Variants in MOXD1 observed in about 807,000 individuals in gnomAD.
The protein encoded by MOXD1 is DBH-like monooxygenase protein 1.
In MOXD1, 62 loss-of-function variants were observed where a neutral mutation model predicts 66.6. That is an observed-to-expected ratio of 0.93 (90% CI 0.76 to 1.15). The LOEUF (loss-of-function observed/expected upper bound fraction) is 1.15. MOXD1 is among the 50% of genes most tolerant of loss of function. The pLI, the probability that MOXD1 is intolerant of heterozygous loss-of-function variation, is 0.00. For synonymous variants in MOXD1, 303 were observed against 281.9 expected (o/e 1.07, Z -0.75); for missense variants, 847 against 754.6 (o/e 1.12, Z -1.44).
chr6:132,360,043 C>T (rs185985712), intron 4 of MOXD1, among the ~76,000 whole-genome samples: 1 of 152,302 alleles, frequency 6.6e-6, no homozygotes, highest in African/African-American at 2.4e-5. Context: ...CAGCTGTTAG[C>T]TGGCTTTAGT....
chr6:132,348,853 C>T (rs1775723248), intron 4 of MOXD1, among the ~76,000 whole-genome samples: 1 of 152,114 alleles, frequency 6.6e-6, no homozygotes, highest in Non-Finnish European at 1.5e-5. Flanking sequence ...CCCGCTAAAC[C>T]AGCATTTCTT....
chr6:132,298,268 A>G (rs547858285), intron 10 of MOXD1, among the ~76,000 whole-genome samples: 2 of 152,106 alleles, frequency 1.3e-5, no homozygotes, highest in Non-Finnish European at 2.9e-5. Context: ...CAACCCTCCC[A>G]CCTCCACCAC....
chr6:132,353,241 T>C (rs560865752), intron 4 of MOXD1, among the ~76,000 whole-genome samples: 1 of 152,248 alleles, frequency 6.6e-6, no homozygotes, highest in South Asian at 2.1e-4. Flanking sequence ...TAAATTGTAT[T>C]TTTGTTTTAT....
intron 4 of MOXD1, among the ~76,000 whole-genome samples, chr6:132,359,775 C>G (rs561364883): frequency 4.3e-4 from 66 of 152,200 alleles, no homozygotes; most frequent in African/African-American, 1.4e-3. Context: ...CGTGAGCCAC[C>G]GCGCCCGGCC....
Position 132,372,675 on chromosome 6 carries a change from T to G in MOXD1, c.596A>C (p.Lys199Thr). ...CATTTGGCACCAATATGTTGTATCT[T>G]TGTTTGGGATGGGGACCTGTCTTAA... ...LVNQDVPIPNKDTTYWCQMFK... is the reference protein window; with the variant it reads ...LVNQDVPIPNTDTTYWCQMFK... The change falls in exon 4 of 12, where the codon AAA (lysine) becomes ACA (threonine). Residue 199 changes from lysine (K) to threonine (T), a missense_variant. Physicochemically the swap from Lys to Thr is moderately conservative, Grantham distance 78 (BLOSUM62 -1). Transcript: ENST00000367963. The G allele has an allele frequency of 6.2e-7, 1 of 1,613,906 alleles. No homozygotes were observed. The highest frequency in any genetic ancestry group is 8.5e-7 in the Non-Finnish European group (1 of 1,179,824).
At chr6:132,314,098 G>A (rs1223124053) in intron 10 of MOXD1, among the ~76,000 whole-genome samples, 2 of 152,092 alleles carry the variant, frequency 1.3e-5, no homozygotes, top group African/African-American at 4.8e-5. Flanking sequence ...ACTGACATCA[G>A]TAAGAATAGA....
At chr6:132,305,207 C>T (rs1774660885) in intron 10 of MOXD1, among the ~76,000 whole-genome samples, 1 of 152,262 alleles carries the variant, frequency 6.6e-6, no homozygotes, top group South Asian at 2.1e-4. Flanking sequence ...GGCTTGGTCA[C>T]AAGACTTGTT....
intron 1 of MOXD1, among the ~76,000 whole-genome samples, chr6:132,390,066 A>G (rs1430150309): frequency 6.6e-6 from 1 of 151,488 alleles, no homozygotes; most frequent in Non-Finnish European, 1.5e-5. Flanking sequence ...TAGTATTAAG[A>G]AAGAAACTTC....
chr6:132,349,967 ATTGT>A (rs764606133), intron 4 of MOXD1, among the ~76,000 whole-genome samples: 9 of 151,276 alleles, frequency 5.9e-5, no homozygotes, highest in Non-Finnish European at 1.3e-4. Flanking sequence ...TTTTGATGGG[ATTGT>A]TTGTTTGTTT....
chr6:132,392,496 G>A (rs1001711924), intron 1 of MOXD1, among the ~76,000 whole-genome samples: 6 of 152,116 alleles, frequency 3.9e-5, no homozygotes, highest in Non-Finnish European at 5.9e-5. Flanking sequence ...TAAATGATTC[G>A]GGCGGGGGTG....
chr6:132,349,407 AT>A lies in MOXD1; in HGVS notation c.664-20814del, dbSNP rs1562289892. Among the ~76,000 whole-genome samples, 2 of 12,696 alleles carry A rather than the reference AT, an allele frequency of 1.6e-4. 1 individual carries two copies. Among genetic ancestry groups the A allele is most frequent in the African/African-American group, 9.0e-4 (2 of 2,216 alleles). The allele number at this position is 12,696 out of a possible 152,430, so 8.3% of individuals were successfully genotyped here. A position where few individuals can be genotyped will look rare whatever the true frequency, so the allele number is the denominator to read the frequency against. On this transcript the variant is annotated intron_variant, in intron 4 of 11. Coordinates refer to ENST00000367963, the MANE Select transcript of MOXD1 (RefSeq NM_015529.4). ...TATATATATATACACATATATATAC[AT>A]ATATATATATATACATATATATATA...
chr6:132,340,638 A>ATCTTTTTTTT lies in MOXD1; in HGVS notation c.664-12045_664-12044insAAAAAAAAGA, dbSNP rs1562287208. Among the ~76,000 whole-genome samples, 12 of 98,784 alleles carry ATCTTTTTTTT rather than the reference A, an allele frequency of 1.2e-4. 2 individuals are homozygous for ATCTTTTTTTT. The highest frequency in any genetic ancestry group is 4.4e-4 in the African/African-American group (10 of 22,562). The allele number at this position is 98,784 out of a possible 152,430, so 64.8% of individuals were successfully genotyped here. A position where few individuals can be genotyped will look rare whatever the true frequency, so the allele number is the denominator to read the frequency against. ...ACAACATGCTAAAACAACAAGACTC[A>ATCTTTTTTTT]TTTTTTTTTTTTTTTTTTTTTTTTT... is the stretch of plus-strand genomic sequence containing the variant. On this transcript the variant is annotated intron_variant, in intron 4 of 11. Transcript: ENST00000367963.
At chr6:132,330,992 C>T (rs1482883242) in intron 4 of MOXD1, among the ~76,000 whole-genome samples, 1 of 152,146 alleles carries the variant, frequency 6.6e-6, no homozygotes, top group Non-Finnish European at 1.5e-5. Flanking sequence ...GTTTTGTTTG[C>T]ACTTGTTTTG....
intron 1 of MOXD1, among the ~76,000 whole-genome samples, chr6:132,395,437 A>G (rs1005364367): frequency 3.9e-5 from 6 of 152,154 alleles, no homozygotes; most frequent in Non-Finnish European, 5.9e-5. Context: ...CAAAACCACA[A>G]TAATAAAAAA....
rs1774775711 is a variant in MOXD1 at position 132,309,515 on chromosome 6, A to C, written c.1508+6120T>G. Reference sequence around the variant, plus strand: ...TGACATTCTTTACAGAATTAGCAACAACTATTTTAAATTTCATATGGAATC... The same window carrying C: ...TGACATTCTTTACAGAATTAGCAACCACTATTTTAAATTTCATATGGAATC... On this transcript the variant is annotated intron_variant, in intron 10 of 11. Coordinates refer to ENST00000367963, the MANE Select transcript of MOXD1 (RefSeq NM_015529.4). Among the ~76,000 whole-genome samples the C allele has an allele frequency of 2.6e-5, 4 of 152,200 alleles. No individual in the cohort carries two copies. The South Asian group carries it at 8.3e-4, about 31-fold the overall frequency.
At chr6:132,341,969 C>CA (rs1775572305) in intron 4 of MOXD1, among the ~76,000 whole-genome samples, 1 of 151,924 alleles carries the variant, frequency 6.6e-6, no homozygotes, top group Non-Finnish European at 1.5e-5. Context: ...TACTGAAACT[C>CA]AGTTACTTTA....
At chr6:132,315,440 CAGAACCTG>C (rs1377918064) in intron 10 of MOXD1, among the ~76,000 whole-genome samples, 187 bp downstream of exon 10, 1 of 152,168 alleles carries the variant, frequency 6.6e-6, no homozygotes, top group Non-Finnish European at 1.5e-5. Context: ...TTGCAAATCA[CAGAACCTG>C]AGGGTGGTCT....
intron 1 of MOXD1, among the ~76,000 whole-genome samples, chr6:132,393,149 T>G (rs1336866450): frequency 7.1e-6 from 1 of 140,776 alleles, no homozygotes; most frequent in Non-Finnish European, 1.6e-5. Flanking sequence ...GTGAGTGGAG[T>G]GAGTGTGTGT....
intron 1 of MOXD1, chr6:132,392,441 A>C (rs778151476): frequency 7.8e-7 from 1 of 1,283,054 alleles, no homozygotes; most frequent in Non-Finnish European, 1.0e-6. Context: ...CAAACTCAGC[A>C]TTCATCGGCT....
Sources: gnomAD v4.1 joint callset for allele counts (sites outside exome capture counted in the v4.1 genomes callset) on GRCh38, gnomAD v4.1.1 for gene constraint, MANE v1.5 for transcripts, NCBI Gene and HGNC (gene_info 2026-07-23, HGNC 2026-07-21) for gene names.